Variants in CNTNAP4 observed in about 807,000 individuals in gnomAD.
CNTNAP4 encodes contactin-associated protein-like 4.
CNTNAP4 carries 98 observed loss-of-function variants against 148.4 expected under a neutral mutation model. The observed-to-expected ratio is 0.66, with a 90% CI of 0.56 to 0.78. The LOEUF (loss-of-function observed/expected upper bound fraction) is 0.78. Among genes scored for constraint, CNTNAP4 ranks in the 30% least tolerant of loss-of-function variants. The pLI is 0.00. For synonymous variants in CNTNAP4, 730 were observed against 565.1 expected (o/e 1.29, Z -4.14); for missense variants, 1,935 against 1,565.6 (o/e 1.24, Z -3.98).
chr16:76,441,071 A>G (rs2080019781), intron 4 of CNTNAP4, among the ~76,000 whole-genome samples: 1 of 152,158 alleles, frequency 6.6e-6, no homozygotes, highest in South Asian at 2.1e-4. Flanking sequence ...TAGAGGCTAC[A>G]GCGGATCAAC....
intron 1 of CNTNAP4, among the ~76,000 whole-genome samples, chr16:76,299,217 C>T (rs949299610): frequency 3.3e-5 from 5 of 152,098 alleles, no homozygotes; most frequent in Non-Finnish European, 7.4e-5. Flanking sequence ...AGGCAACATA[C>T]AGAATGGGAG....
chr16:76,316,162 C>G, intron 1 of CNTNAP4: 1 of 555,554 alleles, frequency 1.8e-6, no homozygotes, highest in Non-Finnish European at 3.2e-6. Context: ...TCTTTTCTAC[C>G]TTAAGATATT....
chr16:76,456,405 A>G (rs2080732874), intron 8 of CNTNAP4, among the ~76,000 whole-genome samples: 1 of 152,252 alleles, frequency 6.6e-6, no homozygotes, highest in South Asian at 2.1e-4. Context: ...AAGTAAGGCT[A>G]AAGTTGTAAT....
chr16:76,463,567 A>G (rs1568278018), intron 9 of CNTNAP4, among the ~76,000 whole-genome samples: 1 of 152,190 alleles, frequency 6.6e-6, no homozygotes, highest in African/African-American at 2.4e-5. Flanking sequence ...ATTTTTGGAT[A>G]GTTTTAGATT....
intron 9 of CNTNAP4, 28 bp from the exon 10 acceptor site, chr16:76,467,324 C>A: frequency 3.1e-6 from 5 of 1,600,110 alleles, no homozygotes; most frequent in Non-Finnish European, 4.3e-6. Flanking sequence ...CATTGTGATG[C>A]GTACTGGATT....
intron 4 of CNTNAP4, among the ~76,000 whole-genome samples, chr16:76,445,699 A>G (rs2080213179): frequency 6.6e-6 from 1 of 152,198 alleles, no homozygotes; most frequent in Non-Finnish European, 1.5e-5. Context: ...AAAGAAAAAA[A>G]AAGTACTAGT....
In CNTNAP4 at chr16:76,467,391, C is replaced by A. The variant is rs776534361; in HGVS notation, c.1523C>A (p.Pro508Gln). The A allele has an allele frequency of 9.9e-6, 16 of 1,613,608 alleles. No individual in the cohort carries two copies. The highest frequency in any genetic ancestry group is 1.4e-5 in the Non-Finnish European group (16 of 1,179,814). The part of the protein sequence containing the change: ...DKSFGSKCKS[P>Q]LGGFQGCMRL... ...AGCTTTGGATCCAAATGTAAAAGTC[C>A]ACTTGGTGGATTTCAGGGATGTATG... Residue 508 changes from proline (P) to glutamine (Q), a missense_variant, in exon 10 of 24, where the codon CCA becomes CAA. Physicochemically the swap from Pro to Gln is moderately conservative, Grantham distance 76. Transcript: ENST00000611870.
In CNTNAP4 at chr16:76,321,924, A is replaced by G. The variant is rs141344260; in HGVS notation, c.196+5401A>G. Reference sequence around the variant, plus strand: ...TACAGGATTGAAAAATCTCAAGCCTAGAGAAAGGGGAACCTGGCTGGCACA... The same window carrying G: ...TACAGGATTGAAAAATCTCAAGCCTGGAGAAAGGGGAACCTGGCTGGCACA... On this transcript the variant is annotated intron_variant, in intron 2 of 23. Coordinates refer to ENST00000611870, the MANE Select transcript of CNTNAP4 (RefSeq NM_033401.5). 8.2e-4 allele frequency among the ~76,000 whole-genome samples: 124 copies of G among 150,420 alleles called. 1 individual carries two copies. In the Middle Eastern group the frequency reaches 0.027, roughly 33 times the overall value.
intron 8 of CNTNAP4, among the ~76,000 whole-genome samples, chr16:76,460,352 G>A (rs887511868): frequency 2.0e-5 from 3 of 151,368 alleles, no homozygotes; most frequent in Non-Finnish European, 3.0e-5. Context: ...CAGGTGATCC[G>A]CCTGCCTCAG....
chr16:76,338,336 T>C (rs1313835031), intron 2 of CNTNAP4, among the ~76,000 whole-genome samples: 1 of 148,494 alleles, frequency 6.7e-6, no homozygotes, highest in East Asian at 1.9e-4. Flanking sequence ...GGCTCCATTC[T>C]CCTTTCTTGC....
intron 3 of CNTNAP4, among the ~76,000 whole-genome samples, chr16:76,377,735 T>C (rs1567921469): frequency 6.6e-6 from 1 of 152,190 alleles, no homozygotes. Flanking sequence ...CTCATTTTTT[T>C]CTTTTGGCAC....
At chr16:76,435,416 C>G (rs2079788248) in intron 4 of CNTNAP4, among the ~76,000 whole-genome samples, 1 of 152,120 alleles carries the variant, frequency 6.6e-6, no homozygotes, top group African/African-American at 2.4e-5. Context: ...CTACGCCTGC[C>G]TTGCCTTTGA....
At chr16:76,351,333 C>T (rs2011718128) in intron 2 of CNTNAP4, among the ~76,000 whole-genome samples, 1 of 151,298 alleles carries the variant, frequency 6.6e-6, no homozygotes, top group Admixed American at 6.6e-5. Context: ...GTTTGCATTT[C>T]ATGTCACTAG....
At chr16:76,302,559 C>G (rs1960086535) in intron 1 of CNTNAP4, among the ~76,000 whole-genome samples, 1 of 152,056 alleles carries the variant, frequency 6.6e-6, no homozygotes, top group African/African-American at 2.4e-5. Flanking sequence ...GTGTCTCTGA[C>G]CTTTAGACCT....
intron 3 of CNTNAP4, among the ~76,000 whole-genome samples, chr16:76,377,377 T>C (rs1271975443): frequency 1.3e-5 from 2 of 152,078 alleles, no homozygotes; most frequent in Admixed American, 1.3e-4. Context: ...TAAGGAAGCA[T>C]GGAGTTACTG....
chr16:76,293,245 C>T (rs1183598971), intron 1 of CNTNAP4, among the ~76,000 whole-genome samples: 1 of 152,116 alleles, frequency 6.6e-6, no homozygotes, highest in Non-Finnish European at 1.5e-5. Flanking sequence ...CTGCCTCAGC[C>T]TCCTGAGTAG....
intron 10 of CNTNAP4, among the ~76,000 whole-genome samples, chr16:76,474,486 C>A (rs868157617): frequency 5.3e-5 from 8 of 152,248 alleles, no homozygotes; most frequent in South Asian, 4.1e-4. Context: ...TCCATAATAT[C>A]TCTTTCAGAT....
At chr16:76,498,288 A>T (rs924554236) in intron 14 of CNTNAP4, among the ~76,000 whole-genome samples, 4 of 152,174 alleles carry the variant, frequency 2.6e-5, no homozygotes, top group African/African-American at 9.7e-5. Flanking sequence ...GCTACTTGGG[A>T]GGCTGAGGCA....
intron 2 of CNTNAP4, among the ~76,000 whole-genome samples, chr16:76,320,809 T>C (rs1343606278): frequency 6.6e-6 from 1 of 152,194 alleles, no homozygotes; most frequent in African/African-American, 2.4e-5. Flanking sequence ...TTAATGTACT[T>C]GGACAACCTT....
Sources: gnomAD v4.1 joint callset for allele counts (sites outside exome capture counted in the v4.1 genomes callset) on GRCh38, gnomAD v4.1.1 for gene constraint, MANE v1.5 for transcripts, NCBI Gene and HGNC (gene_info 2026-07-23, HGNC 2026-07-21) for gene names.